Variants in ARHGAP24 observed in about 807,000 individuals in gnomAD.
ARHGAP24 encodes rho GTPase-activating protein 24.
Under a neutral mutation model 76.4 loss-of-function variants are expected in ARHGAP24, and 50 were observed. The ratio of observed to expected loss-of-function variants is 0.65; its 90% CI spans 0.52 to 0.83. The LOEUF is 0.83. Among genes scored for constraint, ARHGAP24 ranks in the 40% least tolerant of loss-of-function variants. The pLI, the probability that ARHGAP24 is intolerant of heterozygous loss-of-function variation, is 0.00. For synonymous variants in ARHGAP24, 345 were observed against 323.3 expected (o/e 1.07, Z -0.72); for missense variants, 930 against 914.2 (o/e 1.02, Z -0.22).
intron 1 of ARHGAP24, among the ~76,000 whole-genome samples, chr4:85,508,746 C>G (rs189006042): frequency 2.0e-5 from 3 of 152,274 alleles, no homozygotes; most frequent in Admixed American, 6.5e-5. Flanking sequence ...TCTCCCCTCT[C>G]CACGGATCTA....
At chr4:85,854,992 T>C (rs1731473032) in intron 3 of ARHGAP24, among the ~76,000 whole-genome samples, 1 of 152,236 alleles carries the variant, frequency 6.6e-6, no homozygotes, top group African/African-American at 2.4e-5. Context: ...TTTGTTCTTA[T>C]AGAAGTACCA....
intron 3 of ARHGAP24, among the ~76,000 whole-genome samples, chr4:85,921,945 TCCACAAAA>T (rs1735744363): frequency 6.6e-6 from 1 of 152,082 alleles, no homozygotes; most frequent in African/African-American, 2.4e-5. Flanking sequence ...AACAATGTCT[TCCACAAAA>T]CTGGGTCCCT....
chr4:85,660,397 CAG>C (rs1336873892), intron 2 of ARHGAP24, among the ~76,000 whole-genome samples: 5 of 152,018 alleles, frequency 3.3e-5, no homozygotes, highest in Non-Finnish European at 5.9e-5. Context: ...TATAACAAAA[CAG>C]AGTGATTTAT....
intron 2 of ARHGAP24, among the ~76,000 whole-genome samples, chr4:85,584,534 A>G (rs916547104): frequency 6.6e-6 from 1 of 152,012 alleles, no homozygotes; most frequent in African/African-American, 2.4e-5. Flanking sequence ...TGACACATGT[A>G]TACATATGTA....
intron 1 of ARHGAP24, among the ~76,000 whole-genome samples, chr4:85,484,361 A>G (rs1281048008): frequency 1.3e-5 from 2 of 152,216 alleles, no homozygotes; most frequent in African/African-American, 4.8e-5. Flanking sequence ...TGGGTATTTT[A>G]TTAATTGACA....
chr4:85,517,064 A>G (rs1000570214), intron 1 of ARHGAP24, among the ~76,000 whole-genome samples: 1 of 152,080 alleles, frequency 6.6e-6, no homozygotes, highest in African/African-American at 2.4e-5. Context: ...CACTTTTATC[A>G]TGTAACAAGT....
chr4:85,719,873 T>C (rs1724863015), intron 2 of ARHGAP24, among the ~76,000 whole-genome samples: 2 of 152,238 alleles, frequency 1.3e-5, no homozygotes, highest in South Asian at 2.1e-4. Context: ...ATATTTTAGA[T>C]GTAGACAATC....
intron 3 of ARHGAP24, among the ~76,000 whole-genome samples, chr4:85,801,822 C>T (rs1728591773): frequency 6.6e-6 from 1 of 152,230 alleles, no homozygotes; most frequent in African/African-American, 2.4e-5. Flanking sequence ...ATTATTAATG[C>T]ATCCATGTAT....
intron 3 of ARHGAP24, among the ~76,000 whole-genome samples, chr4:85,801,861 A>G (rs1235519233): frequency 6.6e-6 from 1 of 152,246 alleles, no homozygotes; most frequent in East Asian, 1.9e-4. Flanking sequence ...ATTCAAGCTC[A>G]AGAGAATGAT....
intron 3 of ARHGAP24, among the ~76,000 whole-genome samples, chr4:85,903,945 A>G (rs1033488995): frequency 6.6e-6 from 1 of 152,318 alleles, no homozygotes. Context: ...CTAAATATGA[A>G]GACTCTGGGA....
intron 2 of ARHGAP24, among the ~76,000 whole-genome samples, chr4:85,683,014 T>C (rs918839955): frequency 2.7e-5 from 4 of 150,402 alleles, no homozygotes; most frequent in Non-Finnish European, 4.4e-5. Context: ...TATAGATTTC[T>C]ATACCTATAC....
chr4:85,605,975 G>T (rs189438618), intron 2 of ARHGAP24, among the ~76,000 whole-genome samples: 2 of 152,256 alleles, frequency 1.3e-5, no homozygotes, highest in East Asian at 3.9e-4. Context: ...GACCTTTTCT[G>T]ATTCTCTTTG....
At chr4:85,900,756 A>G (rs776805138) in intron 3 of ARHGAP24, among the ~76,000 whole-genome samples, 26 of 152,170 alleles carry the variant, frequency 1.7e-4, no homozygotes, top group Non-Finnish European at 3.2e-4. Flanking sequence ...CACAAAGGCA[A>G]GGGATTCTCC....
chr4:85,749,093 G>A (rs529610482), intron 3 of ARHGAP24, among the ~76,000 whole-genome samples: 66 of 152,260 alleles, frequency 4.3e-4, no homozygotes, highest in Middle Eastern at 6.8e-3. Context: ...ATGAAATTGA[G>A]CATGAAGTGC....
chr4:85,664,500 GTC>G lies in ARHGAP24; in HGVS notation c.181-57381_181-57380del, dbSNP rs1722532905. Reference sequence around the variant, plus strand: ...TTAATTTTTTGAAGGGTTTTTTTGTGTCTCTATTTCCTTCAGTTCTGCTCTGA... The same window carrying G: ...TTAATTTTTTGAAGGGTTTTTTTGTGTCTATTTCCTTCAGTTCTGCTCTGA... On this transcript the variant is annotated intron_variant, in intron 2 of 9. Transcript: ENST00000395184. Among the ~76,000 whole-genome samples, 3 of 150,450 alleles carry G rather than the reference GTC, an allele frequency of 2.0e-5. 1 individual carries two copies. Among genetic ancestry groups the G allele is most frequent in the African/African-American group, 7.5e-5 (3 of 40,040 alleles).
chr4:85,943,771 G>A (rs768839500), intron 5 of ARHGAP24, among the ~76,000 whole-genome samples: 15 of 151,758 alleles, frequency 9.9e-5, no homozygotes, highest in East Asian at 3.9e-4. Context: ...CATCCATGTC[G>A]CTGCAAAGGA....
intron 2 of ARHGAP24, among the ~76,000 whole-genome samples, chr4:85,581,595 C>T (rs1221751039): frequency 1.3e-5 from 2 of 152,094 alleles, no homozygotes; most frequent in Non-Finnish European, 2.9e-5. Context: ...TTTGAATAAA[C>T]CAACGTAGCT....
At chr4:85,688,054 C>T (rs1723494245) in intron 2 of ARHGAP24, among the ~76,000 whole-genome samples, 1 of 152,170 alleles carries the variant, frequency 6.6e-6, no homozygotes, top group Admixed American at 6.5e-5. Context: ...CTTAGATAAT[C>T]CGCCCGCCTT....
At chr4:85,830,581 C>G (rs1452583457) in intron 3 of ARHGAP24, among the ~76,000 whole-genome samples, 1 of 152,176 alleles carries the variant, frequency 6.6e-6, no homozygotes, top group Non-Finnish European at 1.5e-5. Flanking sequence ...TTGTATGTCT[C>G]TTTACCTTGG....
Sources: allele counts gnomAD v4.1 joint callset (sites outside exome capture counted in the v4.1 genomes callset), GRCh38; gene constraint gnomAD v4.1.1; transcripts MANE v1.5; gene names NCBI Gene and HGNC (gene_info 2026-07-23, HGNC 2026-07-21).